MACROD2: variants seen among roughly 807,000 people sequenced by gnomAD.
The protein encoded by MACROD2 is mono-ADP ribosylhydrolase 2, also known as ADP-ribose glycohydrolase MACROD2.
MACROD2 carries 36 observed loss-of-function variants against 70.4 expected under a neutral mutation model. The ratio of observed to expected loss-of-function variants is 0.51; its 90% CI spans 0.39 to 0.68. The LOEUF (loss-of-function observed/expected upper bound fraction) is 0.68. MACROD2 is among the 30% of genes least tolerant of loss of function. The probability of loss-of-function intolerance (pLI) is 0.00; values close to 1 mark genes in which losing one functional copy is unlikely to be tolerated. For synonymous variants in MACROD2, 172 were observed against 178.8 expected (o/e 0.96, Z 0.30); for missense variants, 496 against 538.4 (o/e 0.92, Z 0.78).
At chr20:15,507,597 A>C (rs1243826638) in intron 8 of MACROD2, among the ~76,000 whole-genome samples, 2 of 148,602 alleles carry the variant, frequency 1.3e-5, no homozygotes, top group Non-Finnish European at 1.5e-5. Context: ...CATTGTCGGG[A>C]TTTGTGACAA....
At chr20:15,747,576 T>C (rs901387622) in intron 8 of MACROD2, among the ~76,000 whole-genome samples, 2 of 152,198 alleles carry the variant, frequency 1.3e-5, no homozygotes, top group Admixed American at 6.5e-5. Flanking sequence ...AATGTGTCAG[T>C]AATATTTTGT....
intron 3 of MACROD2, among the ~76,000 whole-genome samples, chr20:14,179,286 A>G (rs993437159): frequency 2.0e-5 from 3 of 152,182 alleles, no homozygotes; most frequent in Non-Finnish European, 4.4e-5. Context: ...GTAAGAAGAT[A>G]TGTTACTATT....
chr20:15,092,758 C>T lies in MACROD2; in HGVS notation c.419-137182C>T, dbSNP rs2075801675. ...ATTAGTTTGGAGAAATCTGTTTATT[C>T]CACAGGTAAATGTATCTGTAAGACT... On this transcript the variant is annotated intron_variant, in intron 5 of 17. Coordinates refer to ENST00000684519, the MANE Select transcript of MACROD2 (RefSeq NM_001351661.2). Among the ~76,000 whole-genome samples the T allele has an allele frequency of 2.0e-5, 3 of 152,122 alleles. No homozygotes were observed. In the South Asian group the frequency reaches 6.2e-4, roughly 32 times the overall value.
intron 3 of MACROD2, among the ~76,000 whole-genome samples, chr20:14,467,534 C>T (rs1011074977): frequency 6.6e-6 from 1 of 152,068 alleles, no homozygotes; most frequent in African/African-American, 2.4e-5. Flanking sequence ...GTGCGCTGCC[C>T]CCACTGTCCT....
chr20:14,662,757 G>A (rs1986287371), intron 4 of MACROD2, among the ~76,000 whole-genome samples: 2 of 151,476 alleles, frequency 1.3e-5, no homozygotes, highest in African/African-American at 4.9e-5. Context: ...CTGATCATTA[G>A]AGACATACAA....
chr20:14,173,595 C>T (rs959385104), intron 3 of MACROD2, among the ~76,000 whole-genome samples: 7 of 152,088 alleles, frequency 4.6e-5, no homozygotes, highest in African/African-American at 1.7e-4. Flanking sequence ...GTATAATCGA[C>T]CTTCTGAATT....
chr20:14,553,050 T>C (rs921959226), intron 4 of MACROD2, among the ~76,000 whole-genome samples: 1 of 152,084 alleles, frequency 6.6e-6, no homozygotes, highest in Admixed American at 6.6e-5. Context: ...TATATACTTT[T>C]AATTATTTTT....
intron 2 of MACROD2, among the ~76,000 whole-genome samples, chr20:14,045,158 G>A (rs948567763): frequency 6.6e-6 from 1 of 152,186 alleles, no homozygotes; most frequent in African/African-American, 2.4e-5. Flanking sequence ...TCCCGCCTGC[G>A]CCTCTCCCTC....
chr20:15,761,980 C>A (rs2051443348), intron 8 of MACROD2, among the ~76,000 whole-genome samples: 1 of 152,168 alleles, frequency 6.6e-6, no homozygotes, highest in Non-Finnish European at 1.5e-5. Context: ...CAAGGACATG[C>A]AGCCCATAGG....
At chr20:15,157,766 G>T (rs184726684) in intron 5 of MACROD2, among the ~76,000 whole-genome samples, 10 of 152,188 alleles carry the variant, frequency 6.6e-5, no homozygotes, top group South Asian at 2.1e-4. Flanking sequence ...ACAAGAGAGA[G>T]GTCAAGGTGT....
At chr20:14,189,582 G>C (rs1169219042) in intron 3 of MACROD2, among the ~76,000 whole-genome samples, 1 of 152,254 alleles carries the variant, frequency 6.6e-6, no homozygotes, top group Non-Finnish European at 1.5e-5. Context: ...CTGTACTAGA[G>C]GAAGAAATAC....
chr20:15,094,533 A>C (rs2075814943), intron 5 of MACROD2, among the ~76,000 whole-genome samples: 1 of 152,194 alleles, frequency 6.6e-6, no homozygotes, highest in South Asian at 2.1e-4. Context: ...TAAAAAACAA[A>C]TTTGACTCTT....
intron 4 of MACROD2, among the ~76,000 whole-genome samples, chr20:14,671,659 TATC>T (rs1318538172): frequency 6.6e-6 from 1 of 152,198 alleles, no homozygotes; most frequent in East Asian, 1.9e-4. Flanking sequence ...CTATTATACT[TATC>T]ATCTTCTCCT....
chr20:15,066,349 G>A (rs1190209616), intron 5 of MACROD2, among the ~76,000 whole-genome samples: 4 of 151,608 alleles, frequency 2.6e-5, no homozygotes, highest in East Asian at 4.0e-4. Context: ...GGCCAGGCTG[G>A]TCTCGAACTC....
Position 14,859,192 on chromosome 20 carries a change from G to A in MACROD2, c.418+174233G>A, listed in dbSNP as rs992780936. Among the ~76,000 whole-genome samples, 4 of 151,954 alleles carry A rather than the reference G, an allele frequency of 2.6e-5. No individual in the cohort carries two copies. In the East Asian group the frequency reaches 5.8e-4, roughly 22 times the overall value. ...GAAATTACCACTAAAGAACCTATCC[G>A]TGTAACCAAAACCACCTGTACCCCA... On this transcript the variant is annotated intron_variant, in intron 5 of 17. Coordinates refer to ENST00000684519, the MANE Select transcript of MACROD2 (RefSeq NM_001351661.2).
chr20:15,148,044 C>T (rs2145856408), intron 5 of MACROD2, among the ~76,000 whole-genome samples: 1 of 152,102 alleles, frequency 6.6e-6, no homozygotes, highest in South Asian at 2.1e-4. Flanking sequence ...AGAGGCCTGA[C>T]ATTCCTGTCT....
chr20:15,563,789 T>C (rs867441883), intron 8 of MACROD2, among the ~76,000 whole-genome samples: 6 of 152,198 alleles, frequency 3.9e-5, no homozygotes, highest in Non-Finnish European at 8.8e-5. Flanking sequence ...GACAGGGATA[T>C]AGCACATTGT....
intron 6 of MACROD2, among the ~76,000 whole-genome samples, chr20:15,417,617 G>A (rs144917694): frequency 0.12 from 10,621 of 88,514 alleles, 782 homozygotes; most frequent in African/African-American, 0.19. Context: ...AAAAAAAAAA[G>A]AAAGAAAGAA....
At chr20:15,520,116 T>C (rs1264962656) in intron 8 of MACROD2, among the ~76,000 whole-genome samples, 1 of 152,216 alleles carries the variant, frequency 6.6e-6, no homozygotes, top group Non-Finnish European at 1.5e-5. Flanking sequence ...AGAAAAATGA[T>C]TAATGATGAA....
Sources: gnomAD v4.1 joint callset for allele counts (sites outside exome capture counted in the v4.1 genomes callset) on GRCh38, gnomAD v4.1.1 for gene constraint, MANE v1.5 for transcripts, NCBI Gene and HGNC (gene_info 2026-07-23, HGNC 2026-07-21) for gene names.